Variants in DEPDC5 observed in about 807,000 individuals in gnomAD.
The protein encoded by DEPDC5 is DEP domain containing 5, GATOR1 subcomplex subunit, also known as GATOR1 complex protein DEPDC5.
In DEPDC5, 73 loss-of-function variants were observed where a neutral mutation model predicts 217.3. That is an observed-to-expected ratio of 0.34 (90% CI 0.28 to 0.41). The LOEUF is 0.41. Among genes scored for constraint, DEPDC5 ranks in the 10% least tolerant of loss-of-function variants. The pLI is 1.00. For synonymous variants in DEPDC5, 733 were observed against 756.7 expected (o/e 0.97, Z 0.51); for missense variants, 1,675 against 2,070.1 (o/e 0.81, Z 3.70).
intron 8 of DEPDC5, among the ~76,000 whole-genome samples, chr22:31,781,357 G>C (rs991283495): frequency 6.6e-6 from 1 of 152,138 alleles, no homozygotes; most frequent in African/African-American, 2.4e-5. Context: ...CTGGGCTCCA[G>C]CAGTCCTTTT....
At chr22:31,797,771 A>G in intron 13 of DEPDC5, 68 bp downstream of exon 13, 2 of 1,206,918 alleles carry the variant, frequency 1.7e-6, no homozygotes, top group Non-Finnish European at 2.4e-6. Flanking sequence ...GGAGACAGAG[A>G]AGAGATGTGT....
chr22:31,761,459 A>G (rs781400463), intron 4 of DEPDC5, among the ~76,000 whole-genome samples: 13 of 152,060 alleles, frequency 8.5e-5, no homozygotes, highest in Non-Finnish European at 5.9e-5. Context: ...TGCAGTGGAC[A>G]TGATTCCATT....
intron 24 of DEPDC5, among the ~76,000 whole-genome samples, chr22:31,824,245 T>C (rs1602182620): frequency 3.3e-5 from 5 of 151,744 alleles, no homozygotes; most frequent in Admixed American, 1.3e-4. Flanking sequence ...ACTCGGGAGG[T>C]TGAGGCAGGA....
At position 31,886,010 on chromosome 22, in the gene DEPDC5, G is replaced by C. The variant is rs1476007869; in HGVS notation, c.4033+6258G>C. On this transcript the variant is annotated intron_variant, in intron 38 of 42. Coordinates refer to ENST00000651528, the MANE Select transcript of DEPDC5 (RefSeq NM_001242896.3). ...ATCACTCCATTGCACTCCACCCTGG[G>C]TGACAGAGCGAGACTCCCTCTCAAA... 7.9e-5 allele frequency among the ~76,000 whole-genome samples: 12 copies of C among 151,130 alleles called. No homozygotes were observed. In the South Asian group the frequency reaches 2.5e-3, roughly 32 times the overall value.
At chr22:31,815,424 G>A (rs1358555472) in intron 21 of DEPDC5, 1 of 679,808 alleles carries the variant, frequency 1.5e-6, no homozygotes, top group Non-Finnish European at 2.6e-6. Context: ...AGAGCACCTA[G>A]GATAAAGTGC....
In DEPDC5 at chr22:31,792,821, T is replaced by C. The variant is rs1481943802; in HGVS notation, c.767+4T>C. ...GATTCTATGAAGACTTTTACAAGTATGTTTGGGTGCTTTGCTATACTTTTT... is the reference window on the plus strand; with the variant it reads ...GATTCTATGAAGACTTTTACAAGTACGTTTGGGTGCTTTGCTATACTTTTT... On this transcript the variant is annotated splice_donor_region_variant and intron_variant, in intron 12 of 42. Coordinates refer to ENST00000651528, the MANE Select transcript of DEPDC5 (RefSeq NM_001242896.3). 1 of 1,523,238 alleles carries C rather than the reference T, an allele frequency of 6.6e-7. No individual in the cohort carries two copies. Among genetic ancestry groups the C allele is most frequent in the Non-Finnish European group, 8.7e-7 (1 of 1,147,082 alleles). The allele number at this position is 1,523,238 out of a possible 1,614,324, so 94.4% of individuals were successfully genotyped here. A position where few individuals can be genotyped will look rare whatever the true frequency, so the allele number is the denominator to read the frequency against.
intron 25 of DEPDC5, among the ~76,000 whole-genome samples, chr22:31,835,520 A>G (rs932515503): frequency 6.6e-6 from 1 of 152,230 alleles, no homozygotes; most frequent in Non-Finnish European, 1.5e-5. Flanking sequence ...TGTGCCCAGC[A>G]GAAAGCATTT....
chr22:31,885,361 C>T (rs531314261), intron 38 of DEPDC5, among the ~76,000 whole-genome samples: 15 of 152,206 alleles, frequency 9.9e-5, no homozygotes, highest in South Asian at 2.1e-4. Context: ...GCTTTCCTTC[C>T]GCCTGGGGCA....
At chr22:31,819,565 C>G (rs141743203) in intron 22 of DEPDC5, among the ~76,000 whole-genome samples, 2,597 of 151,082 alleles carry the variant, frequency 0.017, 70 homozygotes, top group African/African-American at 0.061. Flanking sequence ...ACCTTCAGGG[C>G]TCAGGTGATT....
At chr22:31,768,698 G>T (rs1168104415) in intron 6 of DEPDC5, 116 bp from the exon 7 acceptor site, 1 of 877,792 alleles carries the variant, frequency 1.1e-6, no homozygotes, top group Non-Finnish European at 1.8e-6. Flanking sequence ...AGATTAGAAA[G>T]CTAGGAGTTC....
intron 3 of DEPDC5, 64 bp from the exon 4 acceptor site, chr22:31,760,592 G>T: frequency 2.7e-6 from 4 of 1,458,088 alleles, no homozygotes; most frequent in South Asian, 1.2e-5. Context: ...TTTTGTCGGG[G>T]ATGAAGGTTG....
At chr22:31,895,211 G>A (rs1238733524) in intron 39 of DEPDC5, among the ~76,000 whole-genome samples, 1 of 151,468 alleles carries the variant, frequency 6.6e-6, no homozygotes, top group Non-Finnish European at 1.5e-5. Flanking sequence ...CTGGTGTCTA[G>A]TGGGTAGAGA....
intron 33 of DEPDC5, among the ~76,000 whole-genome samples, chr22:31,869,985 C>A (rs1001296391): frequency 1.3e-5 from 2 of 152,160 alleles, no homozygotes; most frequent in African/African-American, 4.8e-5. Context: ...GCATGTGAAT[C>A]TGCAGAGGGC....
chr22:31,838,806 G>A lies in DEPDC5; in HGVS notation c.2476G>A (p.Val826Ile), dbSNP rs1468914738. Residue 826 changes from valine to isoleucine, a missense_variant, in exon 27 of 43, where the codon GTC (valine) becomes ATC (isoleucine). By Grantham distance (29) the Val-to-Ile change is conservative. This residue lies in a region of DEPDC5 where 293 missense variants were observed against 386.1 expected (regional missense o/e 0.76). Transcript: ENST00000651528. The stretch of plus-strand genomic sequence containing the variant: ...CAAGACACAGAAACCCAATCCTGCT[G>A]TCCCGCCCCCGCTGAGCAGTAGCCC... ...QPKTQKPNPAVPPPLSSSPLY... is the reference protein window; with the variant it reads ...QPKTQKPNPAIPPPLSSSPLY... The A allele has an allele frequency of 1.9e-6, 3 of 1,614,028 alleles. No homozygotes were observed. The highest frequency in any genetic ancestry group is 1.7e-5 in the Admixed American group (1 of 60,004).
intron 38 of DEPDC5, 103 bp downstream of exon 38, chr22:31,879,855 T>C: frequency 8.7e-7 from 1 of 1,151,594 alleles, no homozygotes; most frequent in East Asian, 2.6e-5. Context: ...AGGATTAGAG[T>C]CGCTGAGGCC....
intron 40 of DEPDC5, among the ~76,000 whole-genome samples, chr22:31,899,257 C>T (rs970548963): frequency 2.0e-5 from 3 of 152,216 alleles, no homozygotes; most frequent in African/African-American, 7.2e-5. Flanking sequence ...AATTTTCTTG[C>T]TTCTGTGCCT....
intron 37 of DEPDC5, among the ~76,000 whole-genome samples, chr22:31,877,365 A>C (rs2093023455): frequency 7.5e-6 from 1 of 132,864 alleles, no homozygotes; most frequent in Non-Finnish European, 1.6e-5. Context: ...TGAACCCAGG[A>C]GGCAGAGGTT....
At chr22:31,791,259 C>A (rs997198357) in intron 10 of DEPDC5, among the ~76,000 whole-genome samples, 5 of 152,124 alleles carry the variant, frequency 3.3e-5, no homozygotes, top group Non-Finnish European at 5.9e-5. Context: ...GGGCTTCTGA[C>A]TCCCAGCAGT....
intron 4 of DEPDC5, 123 bp downstream of exon 4, chr22:31,760,825 ATTTAAC>A: frequency 2.5e-6 from 2 of 808,494 alleles, no homozygotes. Context: ...ACAAATTTTA[ATTTAAC>A]TTTCAATTCA....
Sources: gnomAD v4.1 joint callset for allele counts (sites outside exome capture counted in the v4.1 genomes callset) on GRCh38, gnomAD v4.1.1 for gene constraint, gnomAD v4.1.1 regional missense constraint, MANE v1.5 for transcripts, NCBI Gene and HGNC (gene_info 2026-07-23, HGNC 2026-07-21) for gene names.